DGLUCY: variants seen among roughly 807,000 people sequenced by gnomAD.
DGLUCY encodes the protein D-glutamate cyclase, mitochondrial.
In DGLUCY, 58 loss-of-function variants were observed where a neutral mutation model predicts 58.5. The observed-to-expected ratio is 0.99, with a 90% CI of 0.80 to 1.23. DGLUCY has a LOEUF of 1.23. Ranked by LOEUF, DGLUCY falls within the 50% of genes most tolerant of loss-of-function variation. The probability of loss-of-function intolerance (pLI) is 0.00; values close to 1 mark genes in which losing one functional copy is unlikely to be tolerated. For missense variants in DGLUCY, 779 were observed against 784.7 expected (o/e 0.99, Z 0.09); for synonymous variants, 325 against 314.1 (o/e 1.03, Z -0.37).
At chr14:91,119,710 A>G (rs986218232) in intron 1 of DGLUCY, among the ~76,000 whole-genome samples, 1 of 152,058 alleles carries the variant, frequency 6.6e-6, no homozygotes, top group Non-Finnish European at 1.5e-5. Context: ...GTGTTGCCAA[A>G]AGGAGATTAA....
chr14:91,135,177 C>T (rs945235577), intron 1 of DGLUCY, among the ~76,000 whole-genome samples: 4 of 151,830 alleles, frequency 2.6e-5, no homozygotes, highest in East Asian at 2.0e-4. Context: ...CCTCCTGCCT[C>T]ATCCTCCCAA....
chr14:91,083,007 G>C (rs7156091), intron 1 of DGLUCY, among the ~76,000 whole-genome samples: 48,494 of 151,958 alleles, frequency 0.32, 8,092 homozygotes, highest in African/African-American at 0.42. Context: ...ATCCTCCTGC[G>C]TTGGCCTCCA....
chr14:91,212,649 C>A (rs1000685197), intron 12 of DGLUCY, among the ~76,000 whole-genome samples: 2 of 151,966 alleles, frequency 1.3e-5, no homozygotes, highest in African/African-American at 4.8e-5. Flanking sequence ...TTACAGTGAG[C>A]TATGATTGCG....
At chr14:91,108,708 T>C (rs2044644939) in intron 1 of DGLUCY, among the ~76,000 whole-genome samples, 1 of 152,052 alleles carries the variant, frequency 6.6e-6, no homozygotes, top group South Asian at 2.1e-4. Flanking sequence ...CGGCTAATTT[T>C]TGTATTTTCA....
chr14:91,156,479 G>A (rs1276740624), intron 1 of DGLUCY, among the ~76,000 whole-genome samples: 3 of 152,200 alleles, frequency 2.0e-5, no homozygotes, highest in Non-Finnish European at 1.5e-5. Flanking sequence ...GAGCACATCT[G>A]TAGGATACAG....
At chr14:91,165,792 G>A (rs1430542017) in intron 3 of DGLUCY, among the ~76,000 whole-genome samples, 1 of 152,174 alleles carries the variant, frequency 6.6e-6, no homozygotes, top group Admixed American at 6.6e-5. Flanking sequence ...CAACCACTTT[G>A]GAAAACTGCT....
At chr14:91,188,698 C>T (rs575372814) in intron 8 of DGLUCY, among the ~76,000 whole-genome samples, 31 of 152,044 alleles carry the variant, frequency 2.0e-4, no homozygotes, top group Non-Finnish European at 4.1e-4. Flanking sequence ...GCTGTGGTGG[C>T]GCGTGCCTGT....
intron 7 of DGLUCY, among the ~76,000 whole-genome samples, chr14:91,179,772 T>C (rs940111094): frequency 6.6e-6 from 1 of 151,658 alleles, no homozygotes; most frequent in Admixed American, 6.6e-5. Context: ...AAATATATGC[T>C]TGTTCAATTA....
chr14:91,189,074 G>T lies in DGLUCY; in HGVS notation c.1099G>T (p.Ala367Ser). Residue 367 changes from alanine (A) to serine (S), a missense_variant, in exon 9 of 14, where the codon GCC (alanine) becomes TCC (serine). Ala to Ser is a moderately conservative substitution (Grantham distance 99). Transcript: ENST00000256324. ...DGPPGAVALV[A>S]FLQALEKEVA... ...CCCACCAGGAGCTGTTGCTCTGGTT[G>T]CCTTCCTGCAGGCCTTGGAGAAGGA... is the stretch of plus-strand genomic sequence containing the variant. 2 of 1,614,152 alleles carry T rather than the reference G, an allele frequency of 1.2e-6. No homozygotes were observed. The highest frequency in any genetic ancestry group is 1.7e-6 in the Non-Finnish European group (2 of 1,180,032).
intron 1 of DGLUCY, among the ~76,000 whole-genome samples, chr14:91,120,496 C>A (rs1358609729): frequency 6.6e-6 from 1 of 152,168 alleles, no homozygotes; most frequent in Admixed American, 6.5e-5. Context: ...CCTGCAGCCT[C>A]TACCTCCTGG....
chr14:91,111,248 GTA>G (rs779114336), upstream of DGLUCY, among the ~76,000 whole-genome samples: 19,846 of 80,876 alleles, frequency 0.25, 2,013 homozygotes, highest in Non-Finnish European at 0.35. Context: ...GTGTGTGTGT[GTA>G]TATATCTATA....
chr14:91,179,886 C>CTTTTTTTTTTTTTTTTTT (rs35580984), intron 7 of DGLUCY, among the ~76,000 whole-genome samples: 1 of 75,984 alleles, frequency 1.3e-5, no homozygotes. Context: ...ATGCTAAACA[C>CTTTTTTTTTTTTTTTTTT]TTTTTTTTTT....
Position 91,199,770 on chromosome 14 carries a change from G to A in DGLUCY, c.1309G>A (p.Val437Met). 1 of 1,614,130 alleles carries A rather than the reference G, an allele frequency of 6.2e-7. No individual in the cohort carries two copies. The highest frequency in any genetic ancestry group is 8.5e-7 in the Non-Finnish European group (1 of 1,180,004). ...DPQTPRFDHL[V>M]AIERAGRAAD... is the part of the protein sequence containing the mutation. ...GCTTCCCGGCAGATTTGACCACCTG[G>A]TGGCCATAGAGCGTGCCGGAAGAGC... Residue 437 changes from valine to methionine, a missense_variant, in exon 11 of 14, where the codon GTG becomes ATG. Transcript: ENST00000256324.
upstream of DGLUCY, among the ~76,000 whole-genome samples, chr14:91,110,571 C>T (rs1432796666): frequency 1.3e-5 from 2 of 151,742 alleles, no homozygotes; most frequent in Non-Finnish European, 2.9e-5. Context: ...GCTGGGACTA[C>T]AGGCGCCCGC....
rs149885284 is a variant in DGLUCY at position 91,177,679 on chromosome 14, A to G, written c.730+1623A>G. Among the ~76,000 whole-genome samples the G allele has an allele frequency of 3.3e-3, 496 of 152,376 alleles. 2 individuals are homozygous for G. Among genetic ancestry groups the G allele is most frequent in the Middle Eastern group, 0.014 (4 of 294 alleles). ...CACTTGCGCTGTAAGCACATACTGT[A>G]GTGTTACTTTAATTTATTTTGAAAG... On this transcript the variant is annotated intron_variant, in intron 7 of 13. Transcript: ENST00000256324.
At chr14:91,149,803 T>C (rs1040260140) in intron 1 of DGLUCY, among the ~76,000 whole-genome samples, 2 of 152,250 alleles carry the variant, frequency 1.3e-5, no homozygotes, top group African/African-American at 2.4e-5. Flanking sequence ...TTTATTTGGC[T>C]AAGTAACTAA....
intron 6 of DGLUCY, among the ~76,000 whole-genome samples, chr14:91,174,865 A>G (rs1289748407): frequency 6.6e-6 from 1 of 152,110 alleles, no homozygotes; most frequent in Non-Finnish European, 1.5e-5. Flanking sequence ...ATTGGAGGGC[A>G]CCCAGCTGGT....
chr14:91,196,464 C>T lies in DGLUCY; in HGVS notation c.1285C>T (p.Gln429Ter), dbSNP rs755943096. 1 of 1,613,892 alleles carries T rather than the reference C, an allele frequency of 6.2e-7. No individual in the cohort carries two copies. Among genetic ancestry groups the T allele is most frequent in the Non-Finnish European group, 8.5e-7 (1 of 1,179,852 alleles). ...QAFLCKNGDP[Q>*]TPRFDHLVAI... Reference sequence around the variant, plus strand: ...ATTCCTGTGCAAAAATGGGGACCCGCAGACACCTAGGTACGTATGTCGCAT... The same window carrying T: ...ATTCCTGTGCAAAAATGGGGACCCGTAGACACCTAGGTACGTATGTCGCAT... The change falls in exon 10 of 14, where the codon CAG (glutamine) becomes TAG (stop). Residue 429 changes from glutamine (Q) to a stop codon, truncating the protein, a stop_gained. Transcript: ENST00000256324. LOFTEE classifies it high-confidence loss of function.
chr14:91,222,127 G>A (rs2079970368), intron 13 of DGLUCY, among the ~76,000 whole-genome samples: 1 of 152,154 alleles, frequency 6.6e-6, no homozygotes, highest in Non-Finnish European at 1.5e-5. Flanking sequence ...CAGGCGCCCT[G>A]CCCTCCAGCT....
Sources: gnomAD v4.1 joint callset for allele counts (sites outside exome capture counted in the v4.1 genomes callset) on GRCh38, gnomAD v4.1.1 for gene constraint, MANE v1.5 for transcripts, NCBI Gene and HGNC (gene_info 2026-07-23, HGNC 2026-07-21) for gene names.